Variants in TRPV6 observed in about 807,000 individuals in gnomAD.
TRPV6 encodes the protein transient receptor potential cation channel subfamily V member 6.
In TRPV6, 39 loss-of-function variants were observed where a neutral mutation model predicts 79.0. The observed-to-expected ratio is 0.49, with a 90% CI of 0.38 to 0.64. The LOEUF (loss-of-function observed/expected upper bound fraction) is 0.64, where lower values mean the gene tolerates loss of function less well. Among genes scored for constraint, TRPV6 ranks in the 30% least tolerant of loss-of-function variants. TRPV6 has a pLI of 0.00. For missense variants in TRPV6, 813 were observed against 1,011.1 expected (o/e 0.80, Z 2.66); for synonymous variants, 373 against 391.9 (o/e 0.95, Z 0.57).
In TRPV6 at chr7:142,875,169, T is replaced by C. The variant is rs761366234; in HGVS notation, c.1243-5A>G. ...CTTAGGGGTCATGTAGGCTTCCTAATGGGGGAGAAGAACAGTCAAAATGCT... is the reference window on the plus strand; with the variant it reads ...CTTAGGGGTCATGTAGGCTTCCTAACGGGGGAGAAGAACAGTCAAAATGCT... On this transcript the variant is annotated splice_polypyrimidine_tract_variant and splice_region_variant and intron_variant, in intron 8 of 14. Transcript: ENST00000359396. The C allele has an allele frequency of 1.2e-6, 2 of 1,613,886 alleles. No homozygotes were observed. The highest frequency in any genetic ancestry group is 8.5e-7 in the Non-Finnish European group (1 of 1,179,954).
chr7:142,885,163 G>T (rs754642960), intron 1 of TRPV6: 10 of 411,446 alleles, frequency 2.4e-5, no homozygotes, highest in African/African-American at 4.0e-5. Flanking sequence ...AATCGAATTA[G>T]ATCTTAAGAT....
intron 1 of TRPV6, chr7:142,879,892 C>T (rs1293263878): frequency 2.0e-5 from 3 of 152,248 alleles, no homozygotes; most frequent in Admixed American, 6.5e-5. Flanking sequence ...CTCAGCACTG[C>T]AGAGCACACC....
intron 8 of TRPV6, 81 bp downstream of exon 8, chr7:142,875,387 G>T: frequency 2.1e-6 from 3 of 1,433,218 alleles, no homozygotes; most frequent in African/African-American, 1.4e-5. Flanking sequence ...GAGAAATGGT[G>T]TGAGGGAGGA....
At position 142,873,431 on chromosome 7, in the gene TRPV6, G is replaced by A; in HGVS notation, c.1908+17C>T. ...GGGATGACTTGCCCTAACCCTCCCT[G>A]CCACCAGGGGGCTCACCTGGGCCCT... On this transcript the variant is annotated intron_variant, in intron 13 of 14. Coordinates refer to ENST00000359396, the MANE Select transcript of TRPV6 (RefSeq NM_018646.6). The surrounding 1 kb of genome is among the most constrained non-coding windows in gnomAD (Gnocchi z 4.8). The A allele has an allele frequency of 6.2e-7, 1 of 1,611,600 alleles. No homozygotes were observed. Among genetic ancestry groups the A allele is most frequent in the Non-Finnish European group, 8.5e-7 (1 of 1,178,332 alleles).
At chr7:142,876,963 C>A (rs1017792001) in intron 4 of TRPV6, 126 bp from the exon 5 acceptor site, 19 of 1,465,432 alleles carry the variant, frequency 1.3e-5, no homozygotes, top group Non-Finnish European at 1.8e-5. Context: ...ACTTTTCCTG[C>A]AGAACCAGAG....
intron 11 of TRPV6, 110 bp downstream of exon 11, chr7:142,874,381 C>T: frequency 7.2e-7 from 1 of 1,385,902 alleles, no homozygotes; most frequent in Non-Finnish European, 1.0e-6. Context: ...TGCAGTGAGG[C>T]CATGTGTGGC....
At chr7:142,872,275 C>G in intron 14 of TRPV6, 97 bp downstream of exon 14, 1 of 1,298,986 alleles carries the variant, frequency 7.7e-7, no homozygotes, top group Non-Finnish European at 1.1e-6. Flanking sequence ...AGCACACAGG[C>G]CTCCACAGGG....
chr7:142,884,368 G>C (rs1795255809), intron 1 of TRPV6: 1 of 152,248 alleles, frequency 6.6e-6, no homozygotes, highest in African/African-American at 2.4e-5. Context: ...CTTGGGGTCA[G>C]AGAAAAACCC....
chr7:142,874,412 A>G (rs1795008654), intron 11 of TRPV6, 79 bp downstream of exon 11: 2 of 1,553,254 alleles, frequency 1.3e-6, no homozygotes, highest in East Asian at 2.3e-5. Context: ...TGCAATGTCT[A>G]CTGTTCTGCC....
chr7:142,883,879 A>C (rs1296416000), intron 1 of TRPV6: 3 of 152,326 alleles, frequency 2.0e-5, no homozygotes, highest in African/African-American at 7.2e-5. Flanking sequence ...GGGTGACATC[A>C]AGCCTTTCTA....
rs1795023581 is a variant in TRPV6 at position 142,874,890 on chromosome 7, G to A, written c.1406+14C>T. 6.2e-7 allele frequency: 1 copy of A among 1,614,032 alleles called. No homozygotes were observed. The highest frequency in any genetic ancestry group is 8.5e-7 in the Non-Finnish European group (1 of 1,179,930). On this transcript the variant is annotated intron_variant, in intron 10 of 14. Coordinates refer to ENST00000359396, the MANE Select transcript of TRPV6 (RefSeq NM_018646.6). ...GTTGAGGGAAGGGATGGGAGTGAGA[G>A]GAAGGAAACTCACATGAGGACATGG...
chr7:142,875,243 C>CATGG, intron 8 of TRPV6, 79 bp from the exon 9 acceptor site: 3 of 1,513,730 alleles, frequency 2.0e-6, no homozygotes, highest in Non-Finnish European at 2.7e-6. Context: ...CCAGGGTCAC[C>CATGG]AGTCTTAGCA....
rs574517185 is a variant in TRPV6, at chr7:142,885,595, C to G, written c.42G>C (p.Gly14=). The stretch of plus-strand genomic sequence containing the variant: ...GACTCAGCCTTGGGGCCACATCAGC[C>G]CCCCCAAGGGCCGGCCCACCGTCTC... The change falls in exon 1 of 15, where the codon GGG becomes GGC. Residue 14 remains glycine (G), a synonymous_variant. Transcript: ENST00000359396. 1.5e-5 allele frequency: 22 copies of G among 1,495,032 alleles called. No individual in the cohort carries two copies. Among genetic ancestry groups the G allele is most frequent in the Admixed American group, 2.3e-5 (1 of 43,714 alleles). The allele number at this position is 1,495,032 out of a possible 1,614,324, so 92.6% of individuals were successfully genotyped here. A position where few individuals can be genotyped will look rare whatever the true frequency, so the allele number is the denominator to read the frequency against.
rs1377452986 is a variant in TRPV6, at chr7:142,875,695, G to A, written c.1030-15C>T. On this transcript the variant is annotated splice_polypyrimidine_tract_variant and intron_variant, in intron 7 of 14. Transcript: ENST00000359396. ...ATCTGGCGAGCCTGCAACAGAAAGA[G>A]AACAGGTGGCTCAGAGACCCTGACA... 2 of 1,608,000 alleles carry A rather than the reference G, an allele frequency of 1.2e-6. No homozygotes were observed.
intron 14 of TRPV6, 70 bp downstream of exon 14, chr7:142,872,302 G>T (rs1047676097): frequency 6.6e-7 from 1 of 1,520,048 alleles, no homozygotes; most frequent in Admixed American, 1.7e-5. Context: ...GGAGCCGGAA[G>T]CTGTCTGAGC....
chr7:142,880,455 C>T (rs1366605240), intron 1 of TRPV6: 1 of 152,238 alleles, frequency 6.6e-6, no homozygotes, highest in Non-Finnish European at 1.5e-5. Flanking sequence ...TCCCTGCCCT[C>T]CTCCAATATG....
At chr7:142,880,891 G>A (rs940117040) in intron 1 of TRPV6, 1 of 152,102 alleles carries the variant, frequency 6.6e-6, no homozygotes, top group African/African-American at 2.4e-5. Flanking sequence ...TGAACTGAGT[G>A]TCCTGCATTT....
At chr7:142,884,054 C>CT (rs899650241) in intron 1 of TRPV6, 20 of 152,482 alleles carry the variant, frequency 1.3e-4, no homozygotes, top group Admixed American at 1.3e-3. Flanking sequence ...TCCCCCAGGC[C>CT]TTTTTGCACT....
rs1337617934 is a variant in TRPV6, at chr7:142,875,075, C to T, written c.1329+3G>A. ...CCTCACCCAGAGTCCATCCACACCT[C>T]ACCTCTACCAGCAGGATGATGATAG... On this transcript the variant is annotated splice_donor_region_variant and intron_variant, in intron 9 of 14. Coordinates refer to ENST00000359396, the MANE Select transcript of TRPV6 (RefSeq NM_018646.6). 2.5e-6 allele frequency: 4 copies of T among 1,614,086 alleles called. No individual in the cohort carries two copies. Among genetic ancestry groups the T allele is most frequent in the East Asian group, 2.2e-5 (1 of 44,884 alleles).
Sources: gnomAD v4.1 joint callset for allele counts on GRCh38, gnomAD v4.1.1 for gene constraint, Gnocchi (gnomAD v3.1) non-coding constraint, MANE v1.5 for transcripts, NCBI Gene and HGNC (gene_info 2026-07-23, HGNC 2026-07-21) for gene names.